TENM2: variants seen among roughly 807,000 people sequenced by gnomAD.
TENM2 encodes the protein teneurin-2.
Under a neutral mutation model 245.2 loss-of-function variants are expected in TENM2, and 52 were observed. The ratio of observed to expected loss-of-function variants is 0.21; its 90% CI spans 0.17 to 0.27. The LOEUF is 0.27. Among genes scored for constraint, TENM2 ranks in the 10% least tolerant of loss-of-function variants. The pLI, the probability that TENM2 is intolerant of heterozygous loss-of-function variation, is 1.00. For synonymous variants in TENM2, 1,363 were observed against 1,438.9 expected (o/e 0.95, Z 1.19); for missense variants, 3,046 against 3,666.8 (o/e 0.83, Z 4.37).
chr5:167,906,954 C>T (rs10067507), intron 3 of TENM2, among the ~76,000 whole-genome samples: 5,535 of 152,208 alleles, frequency 0.036, 333 homozygotes, highest in African/African-American at 0.12. Context: ...GGACGCAGGC[C>T]GGGCGCAGTG....
At chr5:167,162,626 A>T in the TENM2 span, among the ~76,000 whole-genome samples, 1 of 135,528 alleles carries the variant, frequency 7.4e-6, no homozygotes, top group Non-Finnish European at 1.6e-5. Flanking sequence ...GACTGTATCT[A>T]AAAAAAAAAA....
At chr5:167,753,385 C>T (rs1489736911) in intron 2 of TENM2, among the ~76,000 whole-genome samples, 1 of 152,100 alleles carries the variant, frequency 6.6e-6, no homozygotes, top group African/African-American at 2.4e-5. Context: ...TTGAAATTGC[C>T]AGGAGCTTAA....
At chr5:167,018,345 A>C in the TENM2 span, among the ~76,000 whole-genome samples, 1 of 151,870 alleles carries the variant, frequency 6.6e-6, no homozygotes, top group Non-Finnish European at 1.5e-5. Context: ...AATTATCAAA[A>C]TGCTTGATAG....
chr5:167,105,654 C>T, the TENM2 span, among the ~76,000 whole-genome samples: 1 of 151,286 alleles, frequency 6.6e-6, no homozygotes, highest in Non-Finnish European at 1.5e-5. Context: ...TTTGGGAGGC[C>T]GAGGCGGGCG....
At chr5:167,046,818 A>G in the TENM2 span, among the ~76,000 whole-genome samples, 10 of 152,054 alleles carry the variant, frequency 6.6e-5, no homozygotes, top group African/African-American at 2.2e-4. Context: ...TAAGCCCTGT[A>G]TGCGTTAGGT....
At chr5:167,424,798 A>C (rs995004192) in intron 2 of TENM2, among the ~76,000 whole-genome samples, 4 of 152,204 alleles carry the variant, frequency 2.6e-5, no homozygotes, top group Non-Finnish European at 5.9e-5. Context: ...TTGTTAGCAC[A>C]TTACTTATTC....
chr5:167,933,514 C>G (rs1778447807), intron 3 of TENM2, among the ~76,000 whole-genome samples: 1 of 152,174 alleles, frequency 6.6e-6, no homozygotes, highest in Non-Finnish European at 1.5e-5. Context: ...TCATTATGCT[C>G]TCTTTAAAAA....
chr5:167,279,085 C>G, the TENM2 span, among the ~76,000 whole-genome samples: 3 of 152,154 alleles, frequency 2.0e-5, no homozygotes, highest in African/African-American at 4.8e-5. Context: ...TATTTCAGTA[C>G]TTGAAAAATG....
At chr5:167,131,972 G>A in the TENM2 span, among the ~76,000 whole-genome samples, 1 of 152,024 alleles carries the variant, frequency 6.6e-6, no homozygotes, top group Non-Finnish European at 1.5e-5. Context: ...ACAGGCGTGT[G>A]CCACCATGCC....
At chr5:166,991,798 T>C in the TENM2 span, among the ~76,000 whole-genome samples, 6 of 152,216 alleles carry the variant, frequency 3.9e-5, no homozygotes, top group Non-Finnish European at 8.8e-5. Context: ...TGTGGATTGC[T>C]GTGAATACAA....
At chr5:167,849,927 C>T (rs1324811483) in intron 2 of TENM2, among the ~76,000 whole-genome samples, 1 of 152,096 alleles carries the variant, frequency 6.6e-6, no homozygotes, top group Non-Finnish European at 1.5e-5. Flanking sequence ...CAGAAGCTCC[C>T]CAAATCCTAT....
intron 1 of TENM2, among the ~76,000 whole-genome samples, chr5:167,369,364 C>T (rs1760264393): frequency 1.3e-5 from 2 of 152,174 alleles, no homozygotes; most frequent in African/African-American, 4.8e-5. Flanking sequence ...AAGTTCCCAT[C>T]GTCGTGACCA....
intron 2 of TENM2, among the ~76,000 whole-genome samples, chr5:167,794,742 T>G (rs1221566186): frequency 1.3e-5 from 2 of 152,184 alleles, no homozygotes; most frequent in Non-Finnish European, 2.9e-5. Context: ...AGATAATTGG[T>G]GCAGGGAAGG....
At chr5:167,196,441 AATATATATGTGTGTAT>A in the TENM2 span, among the ~76,000 whole-genome samples, 251 of 148,966 alleles carry the variant, frequency 1.7e-3, 1 homozygote, top group African/African-American at 4.4e-3. Context: ...TTAGTTAGAA[AATATATATGTGTGTAT>A]ATATATATGT....
Position 167,413,088 on chromosome 5 carries a change from C to T in TENM2, c.502+37615C>T, listed in dbSNP as rs571645508. Among the ~76,000 whole-genome samples the T allele has an allele frequency of 3.4e-4, 51 of 152,108 alleles. No individual in the cohort carries two copies. The South Asian group carries it at 9.3e-3, about 28-fold the overall frequency. ...ACATTTTTGTTATTGTGTCTAATTT[C>T]GCACTATTTTTGGCATCATTTTCAA... On this transcript the variant is annotated intron_variant, in intron 2 of 28. Transcript: ENST00000518659.
At chr5:167,697,214 G>A (rs768164413) in intron 2 of TENM2, among the ~76,000 whole-genome samples, 17 of 152,150 alleles carry the variant, frequency 1.1e-4, no homozygotes, top group Non-Finnish European at 2.5e-4. Context: ...GCTCCATCTG[G>A]AACACTGTCC....
chr5:167,199,799 G>A, the TENM2 span, among the ~76,000 whole-genome samples: 1 of 152,100 alleles, frequency 6.6e-6, no homozygotes, highest in Non-Finnish European at 1.5e-5. Context: ...AGAAGAGACT[G>A]AAATTTTTTT....
At chr5:167,116,953 T>A in the TENM2 span, among the ~76,000 whole-genome samples, 4 of 152,344 alleles carry the variant, frequency 2.6e-5, no homozygotes, top group East Asian at 7.7e-4. Flanking sequence ...GTTTGCATGG[T>A]GATGAATCAG....
Position 168,218,007 on chromosome 5 carries a change from C to A in TENM2, c.4234-118C>A. 3 of 1,057,404 alleles carry A rather than the reference C, an allele frequency of 2.8e-6. No homozygotes were observed. The highest frequency in any genetic ancestry group is 1.6e-5 in the South Asian group (1 of 62,064). The allele number at this position is 1,057,404 out of a possible 1,614,324, so 65.5% of individuals were successfully genotyped here. ...GGTTCAATGAAGAGCATTTCTAATA[C>A]AATGTGTTATTAAAAAGCTGTCTTT... On this transcript the variant is annotated intron_variant, in intron 22 of 28. Transcript: ENST00000518659. The surrounding 1 kb of genome is among the most constrained non-coding windows in gnomAD (Gnocchi z 5.2).
Sources: gnomAD v4.1 joint callset for allele counts (sites outside exome capture counted in the v4.1 genomes callset) on GRCh38, gnomAD v4.1.1 for gene constraint, Gnocchi (gnomAD v3.1) non-coding constraint, MANE v1.5 for transcripts, NCBI Gene and HGNC (gene_info 2026-07-23, HGNC 2026-07-21) for gene names.